Variants in ZNF385D observed in about 807,000 individuals in gnomAD.
The protein encoded by ZNF385D is zinc finger protein 385D, also known as zinc finger protein 659.
A neutral mutation model predicts 35.8 loss-of-function variants in ZNF385D; 15 were observed. The ratio of observed to expected loss-of-function variants is 0.42; its 90% CI spans 0.28 to 0.64. The LOEUF is 0.64. Ranked by LOEUF, ZNF385D falls within the 30% of genes least tolerant of loss-of-function variation. The probability of loss-of-function intolerance (pLI) is 0.23; values close to 1 mark genes in which losing one functional copy is unlikely to be tolerated. For missense variants in ZNF385D, 474 were observed against 494.6 expected (o/e 0.96, Z 0.39); for synonymous variants, 212 against 186.8 (o/e 1.13, Z -1.10).
rs546584441 is a variant in ZNF385D at position 21,504,387 on chromosome 3, C to T, written c.439+6474G>A. On this transcript the variant is annotated intron_variant, in intron 4 of 7. Transcript: ENST00000281523. ...GTTTTAATGAGAACCGCTGTTCTTT[C>T]GTGAAACCACCTATACACAAATACA... Among the ~76,000 whole-genome samples, 175 of 152,242 alleles carry T rather than the reference C, an allele frequency of 1.1e-3. 1 individual carries two copies. The highest frequency in any genetic ancestry group is 4.1e-3 in the African/African-American group (170 of 41,562).
intron 2 of ZNF385D, among the ~76,000 whole-genome samples, chr3:22,318,832 G>T (rs1704042988): frequency 6.6e-6 from 1 of 152,128 alleles, no homozygotes; most frequent in Non-Finnish European, 1.5e-5. Flanking sequence ...TAGCAGACTG[G>T]AAGTCATGAT....
intron 1 of ZNF385D, among the ~76,000 whole-genome samples, chr3:21,714,598 G>C (rs770237913): frequency 6.6e-6 from 1 of 151,944 alleles, no homozygotes; most frequent in Admixed American, 6.6e-5. Context: ...TCTCTTTCTC[G>C]TTTGCATCAT....
At chr3:21,749,004 G>A (rs914364705) in intron 1 of ZNF385D, among the ~76,000 whole-genome samples, 3 of 152,038 alleles carry the variant, frequency 2.0e-5, no homozygotes, top group Admixed American at 6.6e-5. Context: ...AGCATAACCC[G>A]AAAGAAACAG....
intron 3 of ZNF385D, among the ~76,000 whole-genome samples, chr3:22,061,036 T>C (rs565702948): frequency 7.0e-4 from 106 of 152,284 alleles, no homozygotes; most frequent in African/African-American, 2.5e-3. Context: ...AAAAGGTTTG[T>C]TGATTTCTCA....
chr3:21,558,302 A>G (rs919767732), intron 3 of ZNF385D, among the ~76,000 whole-genome samples: 12 of 151,510 alleles, frequency 7.9e-5, no homozygotes, highest in Non-Finnish European at 1.6e-4. Flanking sequence ...AGTGCTATAA[A>G]TTTCCCTCCA....
Position 21,837,309 on chromosome 3 carries a change from G to C in ZNF385D, c.326-172281C>G, listed in dbSNP as rs532030595. ...AAACAACAGCAATTTACTATGTCCA[G>C]AAGTATGGTGGGTTGTCTGCAAGGT... On this transcript the variant is annotated intron_variant, in intron 3 of 5. Coordinates refer to the ZNF385D transcript ENST00000494108. Among the ~76,000 whole-genome samples the C allele has an allele frequency of 7.2e-5, 11 of 152,188 alleles. No individual in the cohort carries two copies. The Middle Eastern group carries it at 0.01, about 141-fold the overall frequency.
At chr3:21,509,050 T>A (rs1247056526) in intron 4 of ZNF385D, among the ~76,000 whole-genome samples, 1 of 150,572 alleles carries the variant, frequency 6.6e-6, no homozygotes, top group Non-Finnish European at 1.5e-5. Flanking sequence ...CAATCTCGGC[T>A]CACAGCAAGC....
At chr3:21,721,786 G>A (rs543740656) in intron 1 of ZNF385D, among the ~76,000 whole-genome samples, 5 of 152,132 alleles carry the variant, frequency 3.3e-5, no homozygotes, top group African/African-American at 7.2e-5. Flanking sequence ...AGTCAGAACT[G>A]TAACAGTATC....
intron 2 of ZNF385D, among the ~76,000 whole-genome samples, chr3:22,193,261 T>C (rs1421728311): frequency 6.6e-6 from 1 of 152,116 alleles, no homozygotes; most frequent in Non-Finnish European, 1.5e-5. Context: ...CCCTTAGTAA[T>C]TAAAAATGGC....
chr3:22,313,698 A>G (rs949571647), intron 2 of ZNF385D, among the ~76,000 whole-genome samples: 6 of 152,220 alleles, frequency 3.9e-5, no homozygotes, highest in Admixed American at 3.9e-4. Context: ...CTATAAAGAT[A>G]GGGCAGAGTC....
At chr3:22,310,836 AT>A (rs1217209206) in intron 2 of ZNF385D, among the ~76,000 whole-genome samples, 1 of 151,716 alleles carries the variant, frequency 6.6e-6, no homozygotes, top group Non-Finnish European at 1.5e-5. Context: ...TTATCCACTC[AT>A]TTTTAATTAA....
intron 2 of ZNF385D, among the ~76,000 whole-genome samples, chr3:22,353,630 G>C (rs76533954): frequency 6.6e-6 from 1 of 152,152 alleles, no homozygotes; most frequent in Non-Finnish European, 1.5e-5. Context: ...CAAAATTTTA[G>C]ATCTTGTCTC....
At chr3:21,879,287 G>C (rs1011706466) in intron 3 of ZNF385D, among the ~76,000 whole-genome samples, 2 of 151,994 alleles carry the variant, frequency 1.3e-5, no homozygotes, top group Non-Finnish European at 2.9e-5. Flanking sequence ...TGCCAAACTA[G>C]TGTTGTCTAA....
intron 3 of ZNF385D, among the ~76,000 whole-genome samples, chr3:22,152,821 G>A (rs1473684602): frequency 6.6e-6 from 1 of 152,098 alleles, no homozygotes; most frequent in Non-Finnish European, 1.5e-5. Context: ...CTTTTGGGGA[G>A]TATTATTTGG....
chr3:21,441,601 C>G, intron 4 of ZNF385D: 1 of 735,330 alleles, frequency 1.4e-6, no homozygotes, highest in Non-Finnish European at 1.7e-6. Flanking sequence ...TACGTATATC[C>G]AAATACCATA....
At chr3:21,678,582 T>C (rs1191936950) in intron 1 of ZNF385D, among the ~76,000 whole-genome samples, 1 of 152,096 alleles carries the variant, frequency 6.6e-6, no homozygotes, top group African/African-American at 2.4e-5. Context: ...GAATTGGAGT[T>C]AGTCCCTTCA....
intron 2 of ZNF385D, among the ~76,000 whole-genome samples, chr3:22,174,011 G>A (rs1471556513): frequency 1.7e-5 from 2 of 119,920 alleles, no homozygotes; most frequent in East Asian, 4.7e-4. Flanking sequence ...AAGATTATAA[G>A]CCATTTACAC....
intron 3 of ZNF385D, among the ~76,000 whole-genome samples, chr3:22,034,201 T>A (rs1303778323): frequency 6.6e-6 from 1 of 152,198 alleles, no homozygotes; most frequent in South Asian, 2.1e-4. Context: ...TAGAATTAGA[T>A]GAAGTCTTCA....
intron 3 of ZNF385D, among the ~76,000 whole-genome samples, chr3:21,800,400 T>G (rs1224110617): frequency 1.3e-5 from 2 of 152,194 alleles, no homozygotes; most frequent in Non-Finnish European, 2.9e-5. Flanking sequence ...TTTCATTTAC[T>G]TAAGTCTTCT....
Sources: allele counts gnomAD v4.1 joint callset (sites outside exome capture counted in the v4.1 genomes callset), GRCh38; gene constraint gnomAD v4.1.1; transcripts MANE v1.5; gene names NCBI Gene and HGNC (gene_info 2026-07-23, HGNC 2026-07-21).